Variants in PASK observed in about 807,000 individuals in gnomAD.
PASK encodes PAS domain containing serine/threonine kinase.
PASK carries 110 observed loss-of-function variants against 121.0 expected under a neutral mutation model. The observed-to-expected ratio is 0.91, with a 90% CI of 0.78 to 1.06. The LOEUF (loss-of-function observed/expected upper bound fraction) is 1.06. PASK is among the 50% of genes least tolerant of loss of function. The pLI, the probability that PASK is intolerant of heterozygous loss-of-function variation, is 0.00. For synonymous variants in PASK, 686 were observed against 717.8 expected (o/e 0.96, Z 0.71); for missense variants, 1,643 against 1,702.3 (o/e 0.97, Z 0.61).
At position 241,117,505 on chromosome 2, in the gene PASK, T is replaced by A. The variant is rs114601129; in HGVS notation, c.3073-2092A>T. On this transcript the variant is annotated intron_variant, in intron 12 of 17. Coordinates refer to ENST00000234040, the MANE Select transcript of PASK (RefSeq NM_015148.4). Reference sequence around the variant, plus strand: ...CAGGGGGGCCCATGCACACCTAAAATGAGTGTCAGGAGGAGGGAGAAGGAA... The same window carrying A: ...CAGGGGGGCCCATGCACACCTAAAAAGAGTGTCAGGAGGAGGGAGAAGGAA... 2.2e-3 allele frequency among the ~76,000 whole-genome samples: 332 copies of A among 152,194 alleles called. 3 individuals carry two copies. The highest frequency in any genetic ancestry group is 7.8e-3 in the African/African-American group (325 of 41,516).
intron 1 of PASK, among the ~76,000 whole-genome samples, chr2:241,147,804 A>T (rs778278173): frequency 3.3e-5 from 5 of 152,156 alleles, no homozygotes; most frequent in Non-Finnish European, 5.9e-5. Context: ...AAAGTTGTGG[A>T]AGTTTAATTA....
intron 9 of PASK, among the ~76,000 whole-genome samples, chr2:241,132,014 C>T (rs1461495775): frequency 6.9e-6 from 1 of 144,090 alleles, no homozygotes; most frequent in Non-Finnish European, 1.5e-5. Flanking sequence ...GATCACGCCA[C>T]TGCACTCTAG....
intron 12 of PASK, among the ~76,000 whole-genome samples, chr2:241,116,061 C>T (rs1240189014): frequency 1.4e-5 from 2 of 141,904 alleles, no homozygotes; most frequent in Non-Finnish European, 3.0e-5. Flanking sequence ...TCCCATTACA[C>T]CAGAGACACC....
chr2:241,147,891 AGATGCATCCTT>A (rs2067036805), intron 1 of PASK, among the ~76,000 whole-genome samples: 1 of 152,222 alleles, frequency 6.6e-6, no homozygotes, highest in Non-Finnish European at 1.5e-5. Flanking sequence ...ACAGCAGGAA[AGATGCATCCTT>A]TTTCCCGCTG....
intron 1 of PASK, among the ~76,000 whole-genome samples, chr2:241,143,899 G>T (rs186195434): frequency 6.6e-6 from 1 of 152,254 alleles, no homozygotes; most frequent in Non-Finnish European, 1.5e-5. Flanking sequence ...CCAGAGATTT[G>T]TATTTTTAGC....
In PASK at chr2:241,137,082, C is replaced by A; in HGVS notation, c.1059G>T (p.Pro353=). The change falls in exon 7 of 18, where the codon CCG becomes CCT. Residue 353 remains proline, a synonymous_variant. Transcript: ENST00000234040. ...GGTTGATGCCGTGGATGGTCCCATC[C>A]GGCAGGAGGGTGATGAGGCCACTGA... is the stretch of plus-strand genomic sequence containing the variant. ...CTISGLITLL[P]DGTIHGINHS... 1.2e-6 allele frequency: 2 copies of A among 1,613,618 alleles called. No individual in the cohort carries two copies. The highest frequency in any genetic ancestry group is 1.7e-6 in the Non-Finnish European group (2 of 1,179,840).
chr2:241,120,492 C>CAAAAAAAAAAAAAAA (rs568145375), intron 12 of PASK, among the ~76,000 whole-genome samples: 5 of 140,024 alleles, frequency 3.6e-5, no homozygotes, highest in East Asian at 2.7e-4. Flanking sequence ...GACTCTGTCT[C>CAAAAAAAAAAAAAAA]AAAAGAAAAA....
upstream of PASK, chr2:241,150,232 T>C (rs747576040): frequency 1.1e-4 from 138 of 1,282,442 alleles, no homozygotes; most frequent in Non-Finnish European, 1.3e-4. Context: ...TGCGTCCCGC[T>C]TCGACTCCCT....
chr2:241,107,533 G>T, intron 16 of PASK, 34 bp from the exon 17 acceptor site: 1 of 1,608,514 alleles, frequency 6.2e-7, no homozygotes, highest in South Asian at 1.1e-5. Flanking sequence ...GGTAGGTCCA[G>T]ATTGGGATGA....
chr2:241,128,687 T>G (rs2065985789), intron 9 of PASK, among the ~76,000 whole-genome samples: 1 of 152,074 alleles, frequency 6.6e-6, no homozygotes, highest in African/African-American at 2.4e-5. Context: ...GGCAACATAG[T>G]GAGACCTCGT....
chr2:241,138,818 C>T (rs756345135), intron 4 of PASK, 24 bp from the exon 5 acceptor site: 36 of 1,613,086 alleles, frequency 2.2e-5, no homozygotes, highest in Non-Finnish European at 2.9e-5. Context: ...CAGGTTCACA[C>T]CTGCATGCCA....
intron 4 of PASK, 101 bp downstream of exon 4, chr2:241,139,784 C>T (rs1044749146): frequency 1.7e-6 from 2 of 1,160,556 alleles, no homozygotes; most frequent in Non-Finnish European, 2.5e-6. Flanking sequence ...CCTGGTGCCA[C>T]CCAACCCCCA....
rs370221356 is a variant in PASK, at chr2:241,122,717, C to A, written c.3072+15G>T. On this transcript the variant is annotated intron_variant, in intron 12 of 17. Transcript: ENST00000234040. ...AGTGGTGCCCGGCGCCACTCCCCCC[C>A]CACAGCCAGGTTACCTCCTTGTTTT... 13 of 1,613,320 alleles carry A rather than the reference C, an allele frequency of 8.1e-6. No homozygotes were observed. Among genetic ancestry groups the A allele is most frequent in the African/African-American group, 1.3e-5 (1 of 74,910 alleles).
rs531719802 is a variant in PASK at position 241,115,967 on chromosome 2, T to C, written c.3073-554A>G. Among the ~76,000 whole-genome samples the C allele has an allele frequency of 1.3e-3, 84 of 66,174 alleles. 2 individuals are homozygous for C. The highest frequency in any genetic ancestry group is 0.013 in the Middle Eastern group (1 of 76). 43.4% of individuals were successfully genotyped at this position (66,174 alleles called of 152,430 possible). ...AGCATCCCATTACGCCGGGGCCACC[T>C]GGTCCTCAAGCATCCCATTACACCA... On this transcript the variant is annotated intron_variant, in intron 12 of 17. Transcript: ENST00000234040.
At position 241,122,710 on chromosome 2, in the gene PASK, T is replaced by C. The variant is rs765933700; in HGVS notation, c.3072+22A>G. On this transcript the variant is annotated intron_variant, in intron 12 of 17. Coordinates refer to ENST00000234040, the MANE Select transcript of PASK (RefSeq NM_015148.4). Reference sequence around the variant, plus strand: ...CATGTGAAGTGGTGCCCGGCGCCACTCCCCCCCCACAGCCAGGTTACCTCC... The same window carrying C: ...CATGTGAAGTGGTGCCCGGCGCCACCCCCCCCCCACAGCCAGGTTACCTCC... 3.1e-5 allele frequency: 50 copies of C among 1,587,720 alleles called. No homozygotes were observed. The Admixed American group carries it at 3.9e-4, about 12-fold the overall frequency.
At chr2:241,149,076 C>A (rs1482594459) in intron 1 of PASK, among the ~76,000 whole-genome samples, 1 of 152,076 alleles carries the variant, frequency 6.6e-6, no homozygotes, top group East Asian at 1.9e-4. Context: ...CCCGCAGGGC[C>A]GGCTGCGGTG....
rs1245771184 is a variant in PASK at position 241,112,524 on chromosome 2, C to A, written c.3334-85G>T. On this transcript the variant is annotated intron_variant, in intron 14 of 17. Coordinates refer to ENST00000234040, the MANE Select transcript of PASK (RefSeq NM_015148.4). This position sits in a 1 kb window ranked among gnomAD's most constrained non-coding sequence, Gnocchi z 5.2. ...TAAAATAAACTGGAACAAAAAAAAA[C>A]ACAAAGAAAAAATAAACCTCCGACT... 4 of 830,196 alleles carry A rather than the reference C, an allele frequency of 4.8e-6. No homozygotes were observed. The highest frequency in any genetic ancestry group is 7.5e-6 in the Non-Finnish European group (4 of 531,240). The allele number at this position is 830,196 out of a possible 1,614,324, so 51.4% of individuals were successfully genotyped here. A position where few individuals can be genotyped will look rare whatever the true frequency, so the allele number is the denominator to read the frequency against.
intron 5 of PASK, among the ~76,000 whole-genome samples, chr2:241,138,391 C>A (rs1422180007): frequency 6.6e-6 from 1 of 152,226 alleles, no homozygotes; most frequent in Admixed American, 6.5e-5. Flanking sequence ...GGGGGGTTTA[C>A]ATATATTATC....
chr2:241,147,711 T>C (rs550610021), intron 1 of PASK, among the ~76,000 whole-genome samples: 1 of 151,988 alleles, frequency 6.6e-6, no homozygotes, highest in Non-Finnish European at 1.5e-5. Context: ...TAACATGAAA[T>C]GGAAAGGGGG....
Sources: allele counts gnomAD v4.1 joint callset (sites outside exome capture counted in the v4.1 genomes callset), GRCh38; gene constraint gnomAD v4.1.1; non-coding constraint Gnocchi (gnomAD v3.1); transcripts MANE v1.5; gene names NCBI Gene and HGNC (gene_info 2026-07-23, HGNC 2026-07-21).